ADAMTS9: variants seen among roughly 807,000 people sequenced by gnomAD.
ADAMTS9 encodes the protein A disintegrin and metalloproteinase with thrombospondin motifs 9.
Under a neutral mutation model 257.1 loss-of-function variants are expected in ADAMTS9, and 107 were observed. The ratio of observed to expected loss-of-function variants is 0.42; its 90% CI spans 0.36 to 0.49. ADAMTS9 has a LOEUF of 0.49. Ranked by LOEUF, ADAMTS9 falls within the 20% of genes least tolerant of loss-of-function variation. The pLI is 0.03. For missense variants in ADAMTS9, 2,353 were observed against 2,469.1 expected, an observed-to-expected ratio of 0.95 and a Z score of 1.00; for synonymous variants, 982 against 880.9, an observed-to-expected ratio of 1.11 and a Z score of -2.03.
chr3:64,621,253 G>A lies in ADAMTS9; in HGVS notation c.2687-13C>T, dbSNP rs1235512734. The A allele has an allele frequency of 1.9e-6, 3 of 1,600,588 alleles. No homozygotes were observed. Among genetic ancestry groups the A allele is most frequent in the Admixed American group, 3.5e-5 (2 of 57,522 alleles). On this transcript the variant is annotated splice_polypyrimidine_tract_variant and intron_variant, in intron 18 of 39. Coordinates refer to ENST00000498707, the MANE Select transcript of ADAMTS9 (RefSeq NM_182920.2). ...CGTTTCCGTTCCCCTAAGCAGAAAG[G>A]GAAAAAAAATTATTCAGGGAAAATA...
intron 23 of ADAMTS9, among the ~76,000 whole-genome samples, chr3:64,606,505 T>A (rs2084558727): frequency 6.6e-6 from 1 of 152,226 alleles, no homozygotes; most frequent in Non-Finnish European, 1.5e-5. Context: ...ATACCCTACA[T>A]TTAATTATAG....
chr3:64,600,575 T>A (rs1335111917), intron 26 of ADAMTS9, among the ~76,000 whole-genome samples: 1 of 152,244 alleles, frequency 6.6e-6, no homozygotes, highest in Non-Finnish European at 1.5e-5. Flanking sequence ...AGACTACACA[T>A]GTGTGAGTTT....
At position 64,542,071 on chromosome 3, in the gene ADAMTS9, T is replaced by C; in HGVS notation, c.5065-101A>G. 6 of 1,487,890 alleles carry C rather than the reference T, an allele frequency of 4.0e-6. No homozygotes were observed. The South Asian group carries it at 7.6e-5, about 19-fold the overall frequency. 92.2% of individuals were successfully genotyped at this position (1,487,890 alleles called of 1,614,324 possible). On this transcript the variant is annotated intron_variant, in intron 32 of 39. Coordinates refer to ENST00000498707, the MANE Select transcript of ADAMTS9 (RefSeq NM_182920.2). ...AGCCCTGATGTCATCATGTACAGGG[T>C]GTCACTTCAGACCCTGTGTCGCTGA...
chr3:64,649,569 G>A, intron 10 of ADAMTS9, 68 bp downstream of exon 10: 2 of 1,508,252 alleles, frequency 1.3e-6, no homozygotes, highest in Non-Finnish European at 1.8e-6. Flanking sequence ...AGAATGCAAT[G>A]GAAAACTATG....
At chr3:64,652,913 C>T (rs897619675) in intron 8 of ADAMTS9, among the ~76,000 whole-genome samples, 5 of 152,180 alleles carry the variant, frequency 3.3e-5, no homozygotes, top group African/African-American at 7.2e-5. Flanking sequence ...GTAACACAAA[C>T]TTTGTTTCAT....
chr3:64,564,743 T>C (rs937796410), intron 29 of ADAMTS9, among the ~76,000 whole-genome samples: 4 of 151,870 alleles, frequency 2.6e-5, no homozygotes, highest in Non-Finnish European at 5.9e-5. Flanking sequence ...CATTCCCAAA[T>C]GTCCCATGGG....
chr3:64,683,958 C>T (rs561304077), intron 2 of ADAMTS9, among the ~76,000 whole-genome samples: 75 of 152,086 alleles, frequency 4.9e-4, no homozygotes, highest in South Asian at 4.4e-3. Flanking sequence ...AAAAGGTCTT[C>T]TGGGAAAGAA....
rs912581752 is a variant in ADAMTS9 at position 64,686,452 on chromosome 3, C to T, written c.516+116G>A. The T allele has an allele frequency of 3.7e-6, 5 of 1,353,832 alleles. No homozygotes were observed. In the South Asian group the frequency reaches 6.1e-5, roughly 16 times the overall value. 83.9% of individuals were successfully genotyped at this position (1,353,832 alleles called of 1,614,324 possible). The stretch of plus-strand genomic sequence containing the variant: ...ACGAGTTTCTAGCTGATATTTAACG[C>T]CGGAGAGGAGCGGAGCCTCGCCACA... On this transcript the variant is annotated intron_variant, in intron 2 of 39. Transcript: ENST00000498707. This position sits in a 1 kb window ranked among gnomAD's most constrained non-coding sequence, Gnocchi z 4.6.
In ADAMTS9 at chr3:64,546,855, G is replaced by A. The variant is rs1183731486; in HGVS notation, c.4967C>T (p.Thr1656Ile). The change falls in exon 32 of 40, where the codon ACC becomes ATC. Residue 1656 changes from threonine (T) to isoleucine (I), a missense_variant. Thr to Ile is a moderately conservative substitution (Grantham distance 89). This residue lies in a region of ADAMTS9 where 1,402 missense variants were observed against 1,441.4 expected (regional missense o/e 0.97). Transcript: ENST00000498707. ...KENYEYSYQT[T>I]INCPGTQPPS... ...GGGCTGCGTGCCTGGGCAGTTGATG[G>A]TGGTTTGGTAGCTGTATTCATAATT... 6.2e-7 allele frequency: 1 copy of A among 1,614,184 alleles called. No homozygotes were observed. Among genetic ancestry groups the A allele is most frequent in the Non-Finnish European group, 8.5e-7 (1 of 1,180,026 alleles).
chr3:64,561,464 C>T, intron 30 of ADAMTS9, 114 bp downstream of exon 30: 2 of 1,203,740 alleles, frequency 1.7e-6, no homozygotes, highest in Non-Finnish European at 2.3e-6. Flanking sequence ...GGGAAAGAGC[C>T]AGCATTGTAA....
chr3:64,606,838 A>G (rs1270086954), intron 23 of ADAMTS9, 122 bp downstream of exon 23: 1 of 1,223,342 alleles, frequency 8.2e-7, no homozygotes, highest in African/African-American at 1.5e-5. Context: ...GGACAAATTA[A>G]TCTACTGGTT....
chr3:64,664,598 C>T (rs1434798714), intron 3 of ADAMTS9, among the ~76,000 whole-genome samples: 1 of 152,156 alleles, frequency 6.6e-6, no homozygotes, highest in African/African-American at 2.4e-5. Flanking sequence ...TTGTAGCATG[C>T]ATCAGTATTC....
intron 28 of ADAMTS9, among the ~76,000 whole-genome samples, chr3:64,584,754 C>T (rs1028211711): frequency 6.6e-6 from 1 of 152,032 alleles, no homozygotes; most frequent in African/African-American, 2.4e-5. Context: ...TTGCTCCCCC[C>T]ATCTCTCTCT....
chr3:64,627,385 GA>G (rs10718029), intron 16 of ADAMTS9, among the ~76,000 whole-genome samples: 42,197 of 148,624 alleles, frequency 0.28, 7,786 homozygotes, highest in East Asian at 0.55. Context: ...ATCATCAGAT[GA>G]AAAAAAAAAA....
In ADAMTS9 at chr3:64,686,124, C is replaced by G. The variant is rs1701899505; in HGVS notation, c.516+444G>C. On this transcript the variant is annotated intron_variant, in intron 2 of 39. Coordinates refer to ENST00000498707, the MANE Select transcript of ADAMTS9 (RefSeq NM_182920.2). The surrounding 1 kb of genome is among the most constrained non-coding windows in gnomAD (Gnocchi z 4.6). The stretch of plus-strand genomic sequence containing the variant: ...ACACACACTGAAGGAACTCCCAGTG[C>G]CTTGGGCAGGGGATCCTCAGCCCCA... 6.6e-6 allele frequency among the ~76,000 whole-genome samples: 1 copy of G among 152,210 alleles called. No individual in the cohort carries two copies. The highest frequency in any genetic ancestry group is 2.4e-5 in the African/African-American group (1 of 41,472).
At chr3:64,587,129 C>T (rs756804202) in intron 28 of ADAMTS9, 1 of 152,150 alleles carries the variant, frequency 6.6e-6, no homozygotes, top group Admixed American at 6.6e-5. Flanking sequence ...CCTGGAGTTA[C>T]TACTCTCAAG....
At chr3:64,558,835 C>T (rs941349006) in intron 30 of ADAMTS9, among the ~76,000 whole-genome samples, 1 of 152,102 alleles carries the variant, frequency 6.6e-6, no homozygotes, top group African/African-American at 2.4e-5. Context: ...ATGGGGGGCT[C>T]CTGCACATCC....
At chr3:64,613,106 G>C (rs1260601026) in intron 22 of ADAMTS9, among the ~76,000 whole-genome samples, 2 of 152,112 alleles carry the variant, frequency 1.3e-5, no homozygotes, top group African/African-American at 4.8e-5. Flanking sequence ...AAGCTAAAGG[G>C]CAAAGATAGG....
rs550275739 is a variant in ADAMTS9, at chr3:64,683,741, CAT to C, written c.517-2380_517-2379del. ...TGGTTAAGGTGACTATTTATTCAAA[CAT>C]ATATGCTAAGTATATACAACATACA... On this transcript the variant is annotated intron_variant, in intron 2 of 39. Transcript: ENST00000498707. 1.6e-4 allele frequency among the ~76,000 whole-genome samples: 24 copies of C among 152,250 alleles called. 1 individual carries two copies. In the East Asian group the frequency reaches 4.6e-3, roughly 29 times the overall value.
Sources: gnomAD v4.1 joint callset for allele counts (sites outside exome capture counted in the v4.1 genomes callset) on GRCh38, gnomAD v4.1.1 for gene constraint, gnomAD v4.1.1 regional missense constraint, Gnocchi (gnomAD v3.1) non-coding constraint, MANE v1.5 for transcripts, NCBI Gene and HGNC (gene_info 2026-07-23, HGNC 2026-07-21) for gene names.